The following KCTD2 variants were observed in gnomAD, a reference collection of about 807,000 sequenced individuals.
The protein encoded by KCTD2 is potassium channel tetramerization domain containing 2.
KCTD2 carries 18 observed loss-of-function variants against 27.9 expected under a neutral mutation model. The ratio of observed to expected loss-of-function variants is 0.64; its 90% CI spans 0.45 to 0.96. KCTD2 has a LOEUF of 0.96. Ranked by LOEUF, KCTD2 falls within the 40% of genes least tolerant of loss-of-function variation. The probability of loss-of-function intolerance (pLI) is 0.00; values close to 1 mark genes in which losing one functional copy is unlikely to be tolerated. For synonymous variants in KCTD2, 175 were observed against 148.4 expected, an observed-to-expected ratio of 1.18 and a Z score of -1.30; for missense variants, 280 against 348.0, an observed-to-expected ratio of 0.80 and a Z score of 1.56.
chr17:75,062,330 A>G (rs180903187), intron 5 of KCTD2, 85 bp downstream of exon 5: 36 of 1,348,734 alleles, frequency 2.7e-5, no homozygotes, highest in Non-Finnish European at 3.3e-5. Context: ...CTTGCTCCTC[A>G]CTTCTTCCCT....
intron 3 of KCTD2, among the ~76,000 whole-genome samples, chr17:75,058,546 TC>T (rs1265299916): frequency 6.6e-6 from 1 of 151,706 alleles, no homozygotes; most frequent in East Asian, 2.0e-4. Context: ...ATGCCTGTAA[TC>T]CCAGCACTTT....
chr17:75,039,749 C>A, intron 3 of KCTD2: 1 of 296,892 alleles, frequency 3.4e-6, no homozygotes, highest in Non-Finnish European at 6.3e-6. Flanking sequence ...TGATAAAATG[C>A]ACATATTTAA....
intron 2 of KCTD2, among the ~76,000 whole-genome samples, chr17:75,051,289 T>TAAATCATA: frequency 7.3e-6 from 1 of 137,136 alleles, no homozygotes; most frequent in South Asian, 2.6e-4. Context: ...TTTTTTTTTT[T>TAAATCATA]TTTTTTTTTT....
At chr17:75,048,722 A>G (rs1370114595) in intron 1 of KCTD2, 1 of 153,062 alleles carries the variant, frequency 6.5e-6, no homozygotes, top group Non-Finnish European at 1.5e-5. Context: ...TACAGCTGGC[A>G]GTGCAAACTC....
upstream of KCTD2, chr17:75,042,737 T>G: frequency 7.3e-7 from 1 of 1,375,144 alleles, no homozygotes; most frequent in Non-Finnish European, 1.0e-6. Flanking sequence ...AATAACAAAA[T>G]AAGAGCTCTT....
chr17:75,047,723 C>T, intron 1 of KCTD2, 134 bp downstream of exon 1: 1 of 806,884 alleles, frequency 1.2e-6, no homozygotes, highest in Non-Finnish European at 1.9e-6. Flanking sequence ...CCCTCCCTCC[C>T]ACACTACTCG....
At chr17:75,045,954 T>A (rs1018828564), upstream of KCTD2, among the ~76,000 whole-genome samples, 7 of 152,194 alleles carry the variant, frequency 4.6e-5, no homozygotes, top group Admixed American at 2.6e-4. Context: ...AAGTATTAAT[T>A]TGGGGAACTA....
At chr17:75,038,945 A>G (rs756097781) in intron 3 of KCTD2, 7 of 1,612,920 alleles carry the variant, frequency 4.3e-6, no homozygotes, top group Middle Eastern at 1.7e-4. Flanking sequence ...TAAATTCTCA[A>G]TTGGTTGGTG....
intron 1 of KCTD2, chr17:75,048,954 G>A (rs1038223076): frequency 1.4e-5 from 4 of 292,904 alleles, no homozygotes; most frequent in Non-Finnish European, 2.5e-5. Flanking sequence ...GCAAATTCCA[G>A]CCAGTAAGTA....
chr17:75,050,121 G>A (rs995587897), intron 2 of KCTD2, among the ~76,000 whole-genome samples: 2 of 152,016 alleles, frequency 1.3e-5, no homozygotes, highest in African/African-American at 4.8e-5. Flanking sequence ...TATTTCAAAC[G>A]CATACAGAAG....
intron 4 of KCTD2, chr17:75,060,470 T>G: frequency 6.2e-7 from 1 of 1,611,272 alleles, no homozygotes; most frequent in Non-Finnish European, 8.5e-7. Flanking sequence ...AGGTGATACT[T>G]TCAGAAACCA....
chr17:75,044,582 T>G (rs540859421), upstream of KCTD2, among the ~76,000 whole-genome samples: 136 of 151,500 alleles, frequency 9.0e-4, no homozygotes, highest in African/African-American at 3.2e-3. Context: ...CCTCAGGTGA[T>G]CCACCCACCT....
upstream of KCTD2, among the ~76,000 whole-genome samples, chr17:75,042,957 C>G (rs1410674448): frequency 6.6e-6 from 1 of 151,930 alleles, no homozygotes; most frequent in East Asian, 1.9e-4. Context: ...GCAGTGGGCT[C>G]ACGCCTGTAA....
upstream of KCTD2, among the ~76,000 whole-genome samples, chr17:75,045,396 A>C (rs2073203431): frequency 6.6e-6 from 1 of 152,202 alleles, no homozygotes; most frequent in Admixed American, 6.5e-5. Flanking sequence ...GTCTGACCAA[A>C]ATTTATTAGG....
rs1183743910 is a variant in KCTD2, at chr17:75,064,675, T to C, written c.*1628T>C. 6.6e-6 allele frequency: 1 copy of C among 152,196 alleles called. No individual in the cohort carries two copies. The highest frequency in any genetic ancestry group is 2.4e-5 in the African/African-American group (1 of 41,442). 9.4% of individuals were successfully genotyped at this position (152,196 alleles called of 1,614,324 possible). A position where few individuals can be genotyped will look rare whatever the true frequency, so the allele number is the denominator to read the frequency against. ...TGACACATCAACGTCTACACACCTA[T>C]GCGCCACATTTTACAGCTGTAAAGT... is the stretch of plus-strand genomic sequence containing the variant. On this transcript the variant is annotated 3_prime_UTR_variant, in exon 6 of 6. Coordinates refer to ENST00000322444, the MANE Select transcript of KCTD2 (RefSeq NM_015353.3).
At chr17:75,057,963 G>A (rs2073366008) in intron 3 of KCTD2, among the ~76,000 whole-genome samples, 1 of 152,110 alleles carries the variant, frequency 6.6e-6, no homozygotes, top group Non-Finnish European at 1.5e-5. Context: ...GGGAGGCCTA[G>A]GTGGGTGGAT....
chr17:75,060,358 C>T (rs2073391655), intron 4 of KCTD2: 1 of 1,333,882 alleles, frequency 7.5e-7, no homozygotes, highest in Admixed American at 2.5e-5. Context: ...AAAATGTAGT[C>T]CTTGATATTT....
chr17:75,050,032 C>A (rs2073268321), intron 2 of KCTD2, among the ~76,000 whole-genome samples: 1 of 152,190 alleles, frequency 6.6e-6, no homozygotes, highest in African/African-American at 2.4e-5. Context: ...AATGAAGTGA[C>A]TGTGAAACAA....
upstream of KCTD2, chr17:75,047,185 C>A: frequency 2.1e-6 from 1 of 480,348 alleles, no homozygotes; most frequent in Non-Finnish European, 3.1e-6. Context: ...CGGCCCGGCT[C>A]TCCCTGCCGA....
Sources: gnomAD v4.1 joint callset for allele counts (sites outside exome capture counted in the v4.1 genomes callset) on GRCh38, gnomAD v4.1.1 for gene constraint, MANE v1.5 for transcripts, NCBI Gene and HGNC (gene_info 2026-07-23, HGNC 2026-07-21) for gene names.